NDST3: variants seen among roughly 807,000 people sequenced by gnomAD.
The protein encoded by NDST3 is bifunctional heparan sulfate N-deacetylase/N-sulfotransferase 3.
A neutral mutation model predicts 96.1 loss-of-function variants in NDST3; 58 were observed. That is an observed-to-expected ratio of 0.60 (90% CI 0.49 to 0.75). The LOEUF (loss-of-function observed/expected upper bound fraction) is 0.75, where lower values mean the gene tolerates loss of function less well. Among genes scored for constraint, NDST3 ranks in the 30% least tolerant of loss-of-function variants. The pLI is 0.00. For synonymous variants in NDST3, 333 were observed against 359.7 expected (o/e 0.93, Z 0.84); for missense variants, 788 against 1,034.2 (o/e 0.76, Z 3.27).
chr4:118,240,772 C>A (rs2126006332), intron 11 of NDST3, 78 bp downstream of exon 11: 2 of 1,374,698 alleles, frequency 1.5e-6, no homozygotes, highest in South Asian at 3.0e-5. Flanking sequence ...AGAAAATTTT[C>A]AATTGTTAAA....
intron 4 of NDST3, among the ~76,000 whole-genome samples, chr4:118,115,982 A>T (rs999427593): frequency 2.0e-5 from 3 of 152,216 alleles, no homozygotes; most frequent in African/African-American, 7.2e-5. Flanking sequence ...AAGCAAGAAT[A>T]GTGCTCCTCC....
At chr4:118,186,517 T>A (rs974614298) in intron 6 of NDST3, among the ~76,000 whole-genome samples, 4 of 151,998 alleles carry the variant, frequency 2.6e-5, no homozygotes, top group African/African-American at 7.3e-5. Flanking sequence ...CAGAAAAAAA[T>A]GTAGGCTGAG....
At chr4:118,158,455 T>C (rs941335873) in intron 6 of NDST3, among the ~76,000 whole-genome samples, 2 of 152,056 alleles carry the variant, frequency 1.3e-5, no homozygotes, top group Non-Finnish European at 2.9e-5. Context: ...ACTCAAAGTA[T>C]GAAAAAAGAA....
At chr4:118,084,080 T>C (rs369071879) in intron 2 of NDST3, among the ~76,000 whole-genome samples, 59 of 152,170 alleles carry the variant, frequency 3.9e-4, no homozygotes, top group African/African-American at 1.3e-3. Context: ...AATGACAAGA[T>C]GTAATTCAGA....
intron 2 of NDST3, among the ~76,000 whole-genome samples, chr4:118,102,503 T>C (rs1729843579): frequency 6.6e-6 from 1 of 152,164 alleles, no homozygotes; most frequent in Non-Finnish European, 1.5e-5. Context: ...TTTAGACATG[T>C]TGCATATACA....
intron 2 of NDST3, among the ~76,000 whole-genome samples, chr4:118,065,097 G>A (rs1360183931): frequency 6.6e-6 from 1 of 152,038 alleles, no homozygotes; most frequent in Non-Finnish European, 1.5e-5. Context: ...CTTTTGCCAT[G>A]TAATGTTCAC....
chr4:118,054,941 G>T, intron 2 of NDST3, 50 bp downstream of exon 2: 1 of 1,596,588 alleles, frequency 6.3e-7, no homozygotes, highest in Non-Finnish European at 8.5e-7. Flanking sequence ...CTTCCAGCAG[G>T]GATACAACTA....
chr4:118,183,193 T>A (rs1241991467), intron 6 of NDST3, among the ~76,000 whole-genome samples: 2 of 152,206 alleles, frequency 1.3e-5, no homozygotes, highest in African/African-American at 4.8e-5. Flanking sequence ...AAACAATGTT[T>A]ACCATTTCTT....
At chr4:118,232,174 T>G (rs767128650) in intron 8 of NDST3, among the ~76,000 whole-genome samples, 1 of 152,182 alleles carries the variant, frequency 6.6e-6, no homozygotes, top group Non-Finnish European at 1.5e-5. Context: ...TGGAAGAACT[T>G]AATATGAGAA....
intron 6 of NDST3, among the ~76,000 whole-genome samples, chr4:118,172,008 A>G (rs1356499105): frequency 6.6e-6 from 1 of 152,236 alleles, no homozygotes; most frequent in Non-Finnish European, 1.5e-5. Context: ...TGTCAATAAC[A>G]CTACAATAAT....
rs553543164 is a variant in NDST3 at position 118,084,886 on chromosome 4, C to T, written c.982-20132C>T. ...CTGTAATCCCAGCACTTTGGGAGGC[C>T]GAGGTGGGTGGATCATGAGGTCACG... On this transcript the variant is annotated intron_variant, in intron 2 of 13. Coordinates refer to ENST00000296499, the MANE Select transcript of NDST3 (RefSeq NM_004784.3). Among the ~76,000 whole-genome samples the T allele has an allele frequency of 6.6e-5, 10 of 152,110 alleles. No individual in the cohort carries two copies. In the South Asian group the frequency reaches 1.5e-3, roughly 22 times the overall value.
intron 6 of NDST3, among the ~76,000 whole-genome samples, chr4:118,160,792 T>C (rs1010802632): frequency 1.3e-5 from 2 of 152,274 alleles, no homozygotes; most frequent in Admixed American, 1.3e-4. Flanking sequence ...TCAAAGTTTT[T>C]AACTTCTTTG....
rs141904509 is a variant in NDST3, at chr4:118,074,155, C to CA, written c.981+19265dup. Among the ~76,000 whole-genome samples, 1,242 of 152,164 alleles carry CA rather than the reference C, an allele frequency of 8.2e-3. 8 individuals are homozygous for CA. The highest frequency in any genetic ancestry group is 0.014 in the Non-Finnish European group (947 of 67,982). On this transcript the variant is annotated intron_variant, in intron 2 of 13. Coordinates refer to ENST00000296499, the MANE Select transcript of NDST3 (RefSeq NM_004784.3). ...TCTGACAGTTTGGTTGGTATGATTTCAGTTTTTTTAAATCTGCTGAGAATT... is the reference window on the plus strand; with the variant it reads ...TCTGACAGTTTGGTTGGTATGATTTCAAGTTTTTTTAAATCTGCTGAGAATT...
intron 4 of NDST3, among the ~76,000 whole-genome samples, chr4:118,126,040 A>G (rs4833560): frequency 0.84 from 127,358 of 151,938 alleles, 54,884 homozygotes; most frequent in South Asian, 0.95. Context: ...GACTCCTTCC[A>G]CAGGTGCCAG....
rs918767751 is a variant in NDST3, at chr4:118,234,989, C to T, written c.1943+1854C>T. Among the ~76,000 whole-genome samples the T allele has an allele frequency of 1.3e-4, 19 of 148,366 alleles. No homozygotes were observed. The South Asian group carries it at 2.8e-3, about 22-fold the overall frequency. Reference sequence around the variant, plus strand: ...AGGTTGCAATGAGTCAAGATCGTGCCATTGTACTCCAGCCTGGGTGACAGA... The same window carrying T: ...AGGTTGCAATGAGTCAAGATCGTGCTATTGTACTCCAGCCTGGGTGACAGA... On this transcript the variant is annotated intron_variant, in intron 9 of 13. Coordinates refer to ENST00000296499, the MANE Select transcript of NDST3 (RefSeq NM_004784.3).
intron 12 of NDST3, among the ~76,000 whole-genome samples, chr4:118,247,927 A>G (rs960851820): frequency 1.3e-5 from 2 of 152,244 alleles, no homozygotes; most frequent in Non-Finnish European, 2.9e-5. Context: ...TTTTCAATTC[A>G]GTATTCACCC....
intron 2 of NDST3, among the ~76,000 whole-genome samples, chr4:118,095,497 A>G (rs1729223561): frequency 6.6e-6 from 1 of 151,788 alleles, no homozygotes; most frequent in Non-Finnish European, 1.5e-5. Context: ...ATGATACCAT[A>G]TTAATAAAAT....
At chr4:118,168,144 G>A (rs1177790748) in intron 6 of NDST3, among the ~76,000 whole-genome samples, 1 of 151,592 alleles carries the variant, frequency 6.6e-6, no homozygotes, top group African/African-American at 2.4e-5. Context: ...TATGGAATGG[G>A]AGAAAATACC....
chr4:118,176,689 A>T (rs774681712), intron 6 of NDST3, among the ~76,000 whole-genome samples: 10 of 152,270 alleles, frequency 6.6e-5, no homozygotes, highest in Non-Finnish European at 1.3e-4. Context: ...AGAAATATTT[A>T]TTAAACTTCT....
Sources: gnomAD v4.1 joint callset for allele counts (sites outside exome capture counted in the v4.1 genomes callset) on GRCh38, gnomAD v4.1.1 for gene constraint, MANE v1.5 for transcripts, NCBI Gene and HGNC (gene_info 2026-07-23, HGNC 2026-07-21) for gene names.